METTL15: variants seen among roughly 807,000 people sequenced by gnomAD.
METTL15 encodes methyltransferase 15, mitochondrial 12S rRNA N4-cytidine, also known as 12S rRNA N(4)-cytidine methyltransferase METTL15.
In METTL15, 34 loss-of-function variants were observed where a neutral mutation model predicts 38.3. The observed-to-expected ratio is 0.89, with a 90% confidence interval of 0.68 to 1.18. METTL15 has a LOEUF of 1.18. Ranked by LOEUF, METTL15 falls within the 50% of genes most tolerant of loss-of-function variation. METTL15 has a pLI of 0.00. For synonymous variants in METTL15, 162 were observed against 170.9 expected, an observed-to-expected ratio of 0.95 and a Z score of 0.41; for missense variants, 438 against 498.4, an observed-to-expected ratio of 0.88 and a Z score of 1.15.
At chr11:28,274,680 A>T (rs1449086373) in intron 4 of METTL15, among the ~76,000 whole-genome samples, 1 of 152,020 alleles carries the variant, frequency 6.6e-6, no homozygotes, top group Non-Finnish European at 1.5e-5. Flanking sequence ...AGCACTGCTG[A>T]CTTCCATTAT....
chr11:28,298,987 T>G (rs1369312988), intron 6 of METTL15, among the ~76,000 whole-genome samples: 1 of 152,150 alleles, frequency 6.6e-6, no homozygotes, highest in African/African-American at 2.4e-5. Context: ...GTTTATAGAC[T>G]AATAGATTAA....
rs1849842092 is a variant in METTL15 at position 28,332,465 on chromosome 11, A to G, written c.*1624A>G. ...AAGTCATTTTTTCACCCTGTATAGT[A>G]TGGGAATTATTTTTTATGTTAAATA... On this transcript the variant is annotated 3_prime_UTR_variant, in exon 7 of 7. Coordinates refer to ENST00000407364, the MANE Select transcript of METTL15 (RefSeq NM_001113528.2). The G allele has an allele frequency of 6.6e-6, 1 of 151,886 alleles. No homozygotes were observed. Among genetic ancestry groups the G allele is most frequent in the African/African-American group, 2.4e-5 (1 of 41,280 alleles). 9.4% of individuals were successfully genotyped at this position (151,886 alleles called of 1,614,324 possible). A position where few individuals can be genotyped will look rare whatever the true frequency, so the allele number is the denominator to read the frequency against.
At chr11:28,178,483 G>A (rs1239291445) in intron 3 of METTL15, among the ~76,000 whole-genome samples, 1 of 151,696 alleles carries the variant, frequency 6.6e-6, no homozygotes, top group Non-Finnish European at 1.5e-5. Flanking sequence ...TATTGTGTTT[G>A]ATATATGTTG....
At chr11:28,218,574 G>A (rs1853022000) in intron 4 of METTL15, among the ~76,000 whole-genome samples, 1 of 152,046 alleles carries the variant, frequency 6.6e-6, no homozygotes. Flanking sequence ...TGATTGCCCT[G>A]GCCAGAACTT....
chr11:28,473,468 C>G (rs1394929341), intron 6 of METTL15, among the ~76,000 whole-genome samples: 1 of 152,174 alleles, frequency 6.6e-6, no homozygotes, highest in Non-Finnish European at 1.5e-5. Flanking sequence ...CATGTCTAAC[C>G]TGTCTCAGCT....
At chr11:28,423,105 C>T (rs1404177887) in intron 5 of METTL15, among the ~76,000 whole-genome samples, 2 of 152,094 alleles carry the variant, frequency 1.3e-5, no homozygotes, top group African/African-American at 2.4e-5. Flanking sequence ...AAATGTTCAA[C>T]ATCACTTATC....
intron 5 of METTL15, among the ~76,000 whole-genome samples, chr11:28,370,950 T>G (rs12269726): frequency 0.018 from 2,723 of 152,198 alleles, 52 homozygotes; most frequent in African/African-American, 0.051. Context: ...TTCTGGTTAT[T>G]AATCCTTTGT....
At chr11:28,417,999 T>G (rs1353428782) in intron 5 of METTL15, among the ~76,000 whole-genome samples, 1 of 152,166 alleles carries the variant, frequency 6.6e-6, no homozygotes, top group East Asian at 1.9e-4. Context: ...TAACAGGCTT[T>G]AATAGAGCCT....
At chr11:28,146,235 G>A (rs1849880204) in intron 3 of METTL15, among the ~76,000 whole-genome samples, 1 of 152,028 alleles carries the variant, frequency 6.6e-6, no homozygotes, top group African/African-American at 2.4e-5. Context: ...AACTAAGAAG[G>A]TTGGTGAACC....
chr11:28,216,529 G>T (rs566397037), intron 4 of METTL15, among the ~76,000 whole-genome samples: 12 of 152,064 alleles, frequency 7.9e-5, no homozygotes, highest in Admixed American at 5.2e-4. Context: ...TGAGAAAATT[G>T]GAGAGACTAT....
intron 6 of METTL15, among the ~76,000 whole-genome samples, chr11:28,447,717 A>G (rs751619007): frequency 6.6e-6 from 1 of 152,122 alleles, no homozygotes; most frequent in Non-Finnish European, 1.5e-5. Flanking sequence ...AACTTTAGAG[A>G]ATGGCAGTTA....
chr11:28,389,134 A>G (rs1409378995), intron 5 of METTL15, among the ~76,000 whole-genome samples: 3 of 152,056 alleles, frequency 2.0e-5, no homozygotes, highest in Admixed American at 1.3e-4. Flanking sequence ...TAGTGCCTCA[A>G]TAAACATACG....
chr11:28,383,876 T>C (rs1590354533), intron 5 of METTL15, among the ~76,000 whole-genome samples: 1 of 152,286 alleles, frequency 6.6e-6, no homozygotes, highest in East Asian at 1.9e-4. Context: ...TAAACTCATG[T>C]CATGGGGATT....
At chr11:28,222,288 C>T (rs571875199) in intron 4 of METTL15, among the ~76,000 whole-genome samples, 7 of 152,258 alleles carry the variant, frequency 4.6e-5, no homozygotes, top group South Asian at 4.1e-4. Context: ...GCTCCCTTGC[C>T]GTTTGATCTC....
At chr11:28,470,565 C>T (rs1198571638) in intron 6 of METTL15, among the ~76,000 whole-genome samples, 2 of 151,994 alleles carry the variant, frequency 1.3e-5, no homozygotes, top group Non-Finnish European at 2.9e-5. Context: ...TTAATAATGG[C>T]AGAGCAATAA....
Position 28,315,867 on chromosome 11 carries a change from G to A in METTL15, c.779-14529G>A, listed in dbSNP as rs181582600. Reference sequence around the variant, plus strand: ...GCTTTGGCAGCTTCTATGTGGTGTTGAGCCTGTGGGTGCACAGAAGTCAAG... The same window carrying A: ...GCTTTGGCAGCTTCTATGTGGTGTTAAGCCTGTGGGTGCACAGAAGTCAAG... On this transcript the variant is annotated intron_variant, in intron 6 of 6. Transcript: ENST00000407364. Among the ~76,000 whole-genome samples, 18 of 152,346 alleles carry A rather than the reference G, an allele frequency of 1.2e-4. No individual in the cohort carries two copies. In the East Asian group the frequency reaches 2.1e-3, roughly 18 times the overall value.
At chr11:28,498,399 C>T (rs369550407) in intron 6 of METTL15, among the ~76,000 whole-genome samples, 180 of 152,216 alleles carry the variant, frequency 1.2e-3, no homozygotes, top group African/African-American at 2.4e-3. Flanking sequence ...ACCTCGTGAT[C>T]CGCCCACCTC....
rs1054928681 is a variant in METTL15 at position 28,413,712 on chromosome 11, G to A, written c.*359-10587G>A. On this transcript the variant is annotated intron_variant and NMD_transcript_variant, in intron 5 of 7. Transcript: ENST00000532947. ...GAACATCTTAATGTGGCTCATACTA[G>A]ACAATAAACCTACTGGCCTAATATC... Among the ~76,000 whole-genome samples the A allele has an allele frequency of 2.0e-5, 3 of 152,124 alleles. No individual in the cohort carries two copies. In the East Asian group the frequency reaches 5.8e-4, roughly 29 times the overall value.
chr11:28,312,981 C>A (rs369082205), intron 6 of METTL15, among the ~76,000 whole-genome samples: 1 of 145,934 alleles, frequency 6.9e-6, no homozygotes, highest in Non-Finnish European at 1.5e-5. Context: ...TTTTTTTTTT[C>A]TTTCTTTTTA....
Sources: gnomAD v4.1 joint callset for allele counts (sites outside exome capture counted in the v4.1 genomes callset) on GRCh38, gnomAD v4.1.1 for gene constraint, MANE v1.5 for transcripts, NCBI Gene and HGNC (gene_info 2026-07-23, HGNC 2026-07-21) for gene names.